ITGA1: variants seen among roughly 807,000 people sequenced by gnomAD.
The protein encoded by ITGA1 is integrin subunit alpha 1.
Under a neutral mutation model 145.9 loss-of-function variants are expected in ITGA1, and 85 were observed. That is an observed-to-expected ratio of 0.58 (90% CI 0.49 to 0.70). The LOEUF (loss-of-function observed/expected upper bound fraction) is 0.70, where lower values mean the gene tolerates loss of function less well. Ranked by LOEUF, ITGA1 falls within the 30% of genes least tolerant of loss-of-function variation. The probability of loss-of-function intolerance (pLI) is 0.00; values close to 1 mark genes in which losing one functional copy is unlikely to be tolerated. For synonymous variants in ITGA1, 520 were observed against 495.3 expected, an observed-to-expected ratio of 1.05 and a Z score of -0.66; for missense variants, 1,351 against 1,418.7, an observed-to-expected ratio of 0.95 and a Z score of 0.77.
In ITGA1 at chr5:52,910,233, A is replaced by G. The variant is rs893952932; in HGVS notation, c.1671A>G (p.Ser557=). 1.9e-6 allele frequency: 3 copies of G among 1,613,920 alleles called. No individual in the cohort carries two copies. The highest frequency in any genetic ancestry group is 2.5e-6 in the Non-Finnish European group (3 of 1,179,950). Residue 557 remains serine, a synonymous_variant, in exon 14 of 29, where the codon TCA becomes TCG. Coordinates refer to ENST00000282588, the MANE Select transcript of ITGA1 (RefSeq NM_181501.2). ...QTCCSSRQHN[S]CTTENKNEPC... ...GCTGTTCATCTCGGCAGCACAATTCATGCACAACAGAAAACAAAAATGAGC... is the reference window on the plus strand; with the variant it reads ...GCTGTTCATCTCGGCAGCACAATTCGTGCACAACAGAAAACAAAAATGAGC...
chr5:52,852,210 G>C (rs1311444419), intron 2 of ITGA1, among the ~76,000 whole-genome samples: 8 of 152,078 alleles, frequency 5.3e-5, no homozygotes, highest in African/African-American at 9.7e-5. Flanking sequence ...AAAGAGAAAA[G>C]GATGATGGCA....
chr5:52,931,303 A>G (rs1218084437), intron 21 of ITGA1: 1 of 152,174 alleles, frequency 6.6e-6, no homozygotes, highest in East Asian at 1.9e-4. Flanking sequence ...AGATGAAGAA[A>G]CCAAAACAAA....
At chr5:52,945,062 A>T in intron 27 of ITGA1, 27 bp downstream of exon 27, 1 of 1,498,114 alleles carries the variant, frequency 6.7e-7, no homozygotes, top group Non-Finnish European at 9.3e-7. Flanking sequence ...TTTTGAAAAC[A>T]TTATGCATTT....
intron 1 of ITGA1, among the ~76,000 whole-genome samples, chr5:52,811,675 G>A (rs528332567): frequency 2.0e-5 from 3 of 152,134 alleles, no homozygotes; most frequent in African/African-American, 7.2e-5. Context: ...GTAAATACGT[G>A]CATGAAAATC....
Position 52,881,999 on chromosome 5 carries a change from G to A in ITGA1, c.751G>A (p.Ala251Thr). The change falls in exon 7 of 29, where the codon GCT becomes ACT. Residue 251 changes from alanine (A) to threonine (T), a missense_variant. By Grantham distance (58) the Ala-to-Thr change is moderately conservative. Transcript: ENST00000282588. The stretch of plus-strand genomic sequence containing the variant: ...GAGAGGTGGCCGCCAGACTATGACA[G>A]CTCTTGGAATAGACACAGCAAGGTA... ...VQRGGRQTMT[A>T]LGIDTARKEA... The A allele has an allele frequency of 2.5e-6, 4 of 1,611,260 alleles. No individual in the cohort carries two copies. The highest frequency in any genetic ancestry group is 3.4e-6 in the Non-Finnish European group (4 of 1,178,492).
chr5:52,925,128 T>TA (rs1750784272), intron 18 of ITGA1, 150 bp from the exon 19 acceptor site: 1 of 623,534 alleles, frequency 1.6e-6, no homozygotes, highest in Non-Finnish European at 2.8e-6. Context: ...GGGATAAATA[T>TA]AAAATCCCTT....
chr5:52,823,891 T>TA (rs1276630060), intron 1 of ITGA1, among the ~76,000 whole-genome samples: 1 of 152,218 alleles, frequency 6.6e-6, no homozygotes, highest in East Asian at 1.9e-4. Flanking sequence ...GCTTTACAAA[T>TA]AAATTAAACA....
Position 52,925,384 on chromosome 5 carries a change from A to G in ITGA1, c.2510A>G (p.Asp837Gly), listed in dbSNP as rs1194395688. ...KDLLIVRSQNDKFNVSLTVKN... is the reference protein window; with the variant it reads ...KDLLIVRSQNGKFNVSLTVKN... ...CTGCTGATTGTCCGATCCCAGAATG[A>G]TAAGTTCAACGTTAGCCTCACAGTC... is the stretch of plus-strand genomic sequence containing the variant. The change falls in exon 19 of 29, where the codon GAT becomes GGT. Residue 837 changes from aspartate to glycine, a missense_variant. Transcript: ENST00000282588. 4 of 1,613,992 alleles carry G rather than the reference A, an allele frequency of 2.5e-6. No homozygotes were observed. Among genetic ancestry groups the G allele is most frequent in the Admixed American group, 1.7e-5 (1 of 60,006 alleles).
At chr5:52,921,217 T>G (rs1750726024) in intron 17 of ITGA1, among the ~76,000 whole-genome samples, 1 of 152,138 alleles carries the variant, frequency 6.6e-6, no homozygotes, top group Admixed American at 6.5e-5. Flanking sequence ...GAAACTGATT[T>G]TAGTAACTGA....
intron 1 of ITGA1, among the ~76,000 whole-genome samples, chr5:52,836,571 A>G (rs955936316): frequency 6.6e-5 from 10 of 152,102 alleles, no homozygotes; most frequent in Admixed American, 2.6e-4. Flanking sequence ...CCTTGGCCAG[A>G]TTTCCGCCAC....
chr5:52,829,362 CA>C (rs1192339628), intron 1 of ITGA1, among the ~76,000 whole-genome samples: 3 of 149,978 alleles, frequency 2.0e-5, no homozygotes, highest in African/African-American at 4.9e-5. Flanking sequence ...CTGTCTTTAC[CA>C]AAAAAAAGTA....
chr5:52,850,930 G>T (rs2111754100), intron 2 of ITGA1, among the ~76,000 whole-genome samples: 1 of 152,264 alleles, frequency 6.6e-6, no homozygotes, highest in South Asian at 2.1e-4. Flanking sequence ...GAGAATAATG[G>T]TGAGTAGACC....
At chr5:52,802,136 C>CCT in intron 1 of ITGA1, 1 of 284,784 alleles carries the variant, frequency 3.5e-6, no homozygotes. Flanking sequence ...AAAGACGATG[C>CCT]CTATGCAGTA....
chr5:52,802,516 T>C (rs183263830), intron 1 of ITGA1: 28 of 152,322 alleles, frequency 1.8e-4, no homozygotes, highest in African/African-American at 6.7e-4. Flanking sequence ...TTTTTAGCTT[T>C]TTAGAACTTT....
At chr5:52,836,769 C>T (rs1424202361) in intron 1 of ITGA1, among the ~76,000 whole-genome samples, 4 of 151,932 alleles carry the variant, frequency 2.6e-5, no homozygotes, top group African/African-American at 4.8e-5. Flanking sequence ...GCATTTTTTG[C>T]TTCTCTAAGA....
At chr5:52,863,131 A>T (rs1283442915) in intron 3 of ITGA1, among the ~76,000 whole-genome samples, 2 of 152,168 alleles carry the variant, frequency 1.3e-5, no homozygotes, top group Non-Finnish European at 2.9e-5. Flanking sequence ...AATAGTCTTA[A>T]CTTTTTTTAT....
chr5:52,851,549 A>G (rs1261991107), intron 2 of ITGA1, among the ~76,000 whole-genome samples: 1 of 152,192 alleles, frequency 6.6e-6, no homozygotes, highest in Non-Finnish European at 1.5e-5. Context: ...TAAGGTATGG[A>G]TGAGGAAAAA....
chr5:52,804,098 A>G (rs1043793653), intron 1 of ITGA1: 2 of 152,222 alleles, frequency 1.3e-5, no homozygotes, highest in African/African-American at 4.8e-5. Flanking sequence ...GAAAATGTCA[A>G]TAATGATAGG....
At chr5:52,884,807 A>G (rs1293242805) in intron 7 of ITGA1, among the ~76,000 whole-genome samples, 1 of 152,208 alleles carries the variant, frequency 6.6e-6, no homozygotes, top group Non-Finnish European at 1.5e-5. Context: ...GATTTTTCCC[A>G]CATCGACCAG....
Sources: allele counts gnomAD v4.1 joint callset (sites outside exome capture counted in the v4.1 genomes callset), GRCh38; gene constraint gnomAD v4.1.1; transcripts MANE v1.5; gene names NCBI Gene and HGNC (gene_info 2026-07-23, HGNC 2026-07-21).